Variants in NDUFS4 observed in about 807,000 individuals in gnomAD.
NDUFS4 encodes NADH dehydrogenase [ubiquinone] iron-sulfur protein 4, mitochondrial.
In NDUFS4, 28 loss-of-function variants were observed where a neutral mutation model predicts 24.3. The observed-to-expected ratio is 1.15, with a 90% CI of 0.85 to 1.58. The LOEUF (loss-of-function observed/expected upper bound fraction) is 1.58. Among genes scored for constraint, NDUFS4 ranks in the 40% most tolerant of loss-of-function variants. NDUFS4 has a pLI of 0.00. For synonymous variants in NDUFS4, 93 were observed against 69.7 expected (o/e 1.34, Z -1.67); for missense variants, 223 against 207.9 (o/e 1.07, Z -0.45).
chr5:53,584,555 G>A (rs1361098754), intron 1 of NDUFS4, among the ~76,000 whole-genome samples: 2 of 152,010 alleles, frequency 1.3e-5, no homozygotes, highest in East Asian at 3.9e-4. Context: ...GGCCAGGCTG[G>A]TCTTGAACTC....
At chr5:53,647,237 T>G (rs2636991) in intron 3 of NDUFS4, among the ~76,000 whole-genome samples, 118,931 of 151,786 alleles carry the variant, frequency 0.78, 46,719 homozygotes, top group African/African-American at 0.83. Context: ...TTTAGAGATG[T>G]GGTCTTGCCC....
intron 2 of NDUFS4, among the ~76,000 whole-genome samples, chr5:53,610,407 A>G (rs1175629761): frequency 2.6e-5 from 4 of 152,186 alleles, no homozygotes. Context: ...ACAGAGCACC[A>G]TAACACATAC....
At chr5:53,659,983 A>G (rs1417315968) in intron 4 of NDUFS4, among the ~76,000 whole-genome samples, 1 of 151,742 alleles carries the variant, frequency 6.6e-6, no homozygotes, top group African/African-American at 2.4e-5. Context: ...ATATAAGTAT[A>G]CCCTATTCTG....
rs58169759 is a variant in NDUFS4, at chr5:53,621,690, A to ATTTTTTTT, written c.177+18182_177+18189dup. On this transcript the variant is annotated intron_variant, in intron 2 of 4. Transcript: ENST00000296684. ...ATATTTGTTATAAACCTCATAGTAA[A>ATTTTTTTT]TTTTTTTTTTTTTTTTTTTTTTTTT... Among the ~76,000 whole-genome samples, 37 of 81,562 alleles carry ATTTTTTTT rather than the reference A, an allele frequency of 4.5e-4. 2 individuals are homozygous for ATTTTTTTT. The highest frequency in any genetic ancestry group is 2.0e-3 in the African/African-American group (36 of 18,080). 53.5% of individuals were successfully genotyped at this position (81,562 alleles called of 152,430 possible). A position where few individuals can be genotyped will look rare whatever the true frequency, so the allele number is the denominator to read the frequency against.
intron 1 of NDUFS4, among the ~76,000 whole-genome samples, chr5:53,596,014 A>C (rs1277661764): frequency 6.6e-6 from 1 of 152,234 alleles, no homozygotes; most frequent in East Asian, 1.9e-4. Context: ...GAATAAAAGA[A>C]TTTATGGTGT....
intron 4 of NDUFS4, among the ~76,000 whole-genome samples, chr5:53,664,845 A>G (rs1212523518): frequency 2.0e-5 from 3 of 152,158 alleles, no homozygotes; most frequent in Admixed American, 1.3e-4. Context: ...GTCATTCTCC[A>G]TCCAGCTTTG....
intron 2 of NDUFS4, among the ~76,000 whole-genome samples, chr5:53,616,697 T>C: frequency 6.6e-6 from 1 of 152,052 alleles, no homozygotes; most frequent in East Asian, 1.9e-4. Flanking sequence ...TTTAGGCCCA[T>C]AGTAAGAAAT....
intron 2 of NDUFS4, chr5:53,604,592 T>G: frequency 2.7e-6 from 1 of 368,092 alleles, no homozygotes; most frequent in Non-Finnish European, 5.3e-6. Flanking sequence ...GATGCCAAAA[T>G]AGTCTTTGAA....
At chr5:53,670,893 A>G (rs1037201418) in intron 4 of NDUFS4, among the ~76,000 whole-genome samples, 1 of 151,400 alleles carries the variant, frequency 6.6e-6, no homozygotes, top group African/African-American at 2.4e-5. Flanking sequence ...TAGAGATACT[A>G]TAGTATCTCT....
chr5:53,655,428 T>C (rs949366465), intron 3 of NDUFS4, among the ~76,000 whole-genome samples: 5 of 151,960 alleles, frequency 3.3e-5, no homozygotes, highest in African/African-American at 1.2e-4. Flanking sequence ...TGTGACTGGC[T>C]TTTTTGCTTA....
intron 2 of NDUFS4, among the ~76,000 whole-genome samples, chr5:53,640,809 CTT>C (rs2112500801): frequency 6.6e-6 from 1 of 152,160 alleles, no homozygotes; most frequent in African/African-American, 2.4e-5. Flanking sequence ...AAAGAAAAGA[CTT>C]TGTTGCTATA....
intron 1 of NDUFS4, among the ~76,000 whole-genome samples, chr5:53,598,878 TTAA>T (rs1241626660): frequency 4.6e-5 from 7 of 152,158 alleles, no homozygotes; most frequent in African/African-American, 1.7e-4. Flanking sequence ...GTAATGGTAA[TTAA>T]TAATCACAAT....
rs149528211 is a variant in NDUFS4, at chr5:53,666,237, T to C, written c.424+7613T>C. ...CTTTGAAAATTATTCATTTGAAGTC[T>C]GTCACATGAGTTTAATAACAGGAAA... On this transcript the variant is annotated intron_variant, in intron 4 of 4. Transcript: ENST00000296684. Among the ~76,000 whole-genome samples the C allele has an allele frequency of 6.9e-3, 1,057 of 152,356 alleles. 18 individuals are homozygous for C. Among genetic ancestry groups the C allele is most frequent in the African/African-American group, 0.024 (1,017 of 41,592 alleles).
chr5:53,677,396 T>G (rs1367976953), intron 4 of NDUFS4, among the ~76,000 whole-genome samples: 1 of 152,122 alleles, frequency 6.6e-6, no homozygotes, highest in Non-Finnish European at 1.5e-5. Flanking sequence ...TCACTTTATA[T>G]AAATTTCATG....
At chr5:53,576,938 G>T (rs1256810979) in intron 1 of NDUFS4, among the ~76,000 whole-genome samples, 1 of 152,002 alleles carries the variant, frequency 6.6e-6, no homozygotes, top group Non-Finnish European at 1.5e-5. Context: ...TATGCTCTTG[G>T]AACATCTGTT....
chr5:53,651,006 G>T (rs1053605902), intron 3 of NDUFS4, among the ~76,000 whole-genome samples: 2 of 152,122 alleles, frequency 1.3e-5, no homozygotes, highest in Admixed American at 6.6e-5. Context: ...CTATATGTTT[G>T]GGAGGTAAAG....
intron 4 of NDUFS4, among the ~76,000 whole-genome samples, chr5:53,663,448 G>T (rs1012220705): frequency 1.3e-5 from 2 of 152,076 alleles, no homozygotes; most frequent in African/African-American, 4.8e-5. Flanking sequence ...GTCTCCCATT[G>T]TTATTGCGTG....
Position 53,560,680 on chromosome 5 carries a change from G to A in NDUFS4, c.18G>A (p.Met6Ile), listed in dbSNP as rs1255996719. Reference sequence around the variant, plus strand: ...GCAGCAAGATGGCGGCGGTGTCAATGTCAGTGGTACTGAGGCAGACGTTGT... The same window carrying A: ...GCAGCAAGATGGCGGCGGTGTCAATATCAGTGGTACTGAGGCAGACGTTGT... MAAVS[M>I]SVVLRQTLWR... Residue 6 changes from methionine (M) to isoleucine (I), a missense_variant, in exon 1 of 5, where the codon ATG becomes ATA. Physicochemically the swap from Met to Ile is conservative, Grantham distance 10 (BLOSUM62 1). Transcript: ENST00000296684. 6.2e-7 allele frequency: 1 copy of A among 1,614,258 alleles called. No individual in the cohort carries two copies. Among genetic ancestry groups the A allele is most frequent in the East Asian group, 2.2e-5 (1 of 44,890 alleles).
rs567051943 is a variant in NDUFS4 at position 53,645,241 on chromosome 5, A to G, written c.178-992A>G. Among the ~76,000 whole-genome samples the G allele has an allele frequency of 1.2e-4, 18 of 152,206 alleles. No homozygotes were observed. The South Asian group carries it at 3.5e-3, about 30-fold the overall frequency. ...GTTGACCCCAATGTGATTTACTTTGATCAGATAAAGTATTTTACCATTACT... is the reference window on the plus strand; with the variant it reads ...GTTGACCCCAATGTGATTTACTTTGGTCAGATAAAGTATTTTACCATTACT... On this transcript the variant is annotated intron_variant, in intron 2 of 4. Coordinates refer to ENST00000296684, the MANE Select transcript of NDUFS4 (RefSeq NM_002495.4).
Sources: gnomAD v4.1 joint callset for allele counts (sites outside exome capture counted in the v4.1 genomes callset) on GRCh38, gnomAD v4.1.1 for gene constraint, MANE v1.5 for transcripts, NCBI Gene and HGNC (gene_info 2026-07-23, HGNC 2026-07-21) for gene names.